ZNF837: variants seen among roughly 807,000 people sequenced by gnomAD.
The protein encoded by ZNF837 is zinc finger protein 837.
For missense variants in ZNF837, 955 were observed against 801.7 expected, an observed-to-expected ratio of 1.19 and a Z score of -2.31; for synonymous variants, 475 against 365.2, an observed-to-expected ratio of 1.30 and a Z score of -3.43.
chr19:58,369,110 C>CG lies in ZNF837; in HGVS notation c.222dup (p.Gly75ArgfsTer27). The stretch of plus-strand genomic sequence containing the variant: ...CCGGCGCTGTGCCGGGTCCCCGGGC[C>CG]GGGGCTCACCCCGAGGCTGCAGCCC... On this transcript the variant is annotated frameshift_variant, in exon 3 of 3. Transcript: ENST00000597582. LOFTEE classifies it low-confidence loss of function (END_TRUNC). 1 of 1,500,372 alleles carries CG rather than the reference C, an allele frequency of 6.7e-7. No individual in the cohort carries two copies. The highest frequency in any genetic ancestry group is 8.9e-7 in the Non-Finnish European group (1 of 1,125,608). The allele number at this position is 1,500,372 out of a possible 1,614,324, so 92.9% of individuals were successfully genotyped here. A position where few individuals can be genotyped will look rare whatever the true frequency, so the allele number is the denominator to read the frequency against.
chr19:58,371,686 T>C (rs924036002), intron 1 of ZNF837, among the ~76,000 whole-genome samples: 1 of 151,814 alleles, frequency 6.6e-6, no homozygotes, highest in Non-Finnish European at 1.5e-5. Flanking sequence ...GTGTTCCCTA[T>C]TCTGTGCAAG....
In ZNF837 at chr19:58,368,986, C is replaced by T; in HGVS notation, c.347G>A (p.Arg116Lys). ...GCAGTCCCCGCCACGCGCTGGGCTC[C>T]TACAGGGGCCCTCCCGGGCTTGCAG... ...EGLQAREGPC[R>K]SPARGGDCSR... The change falls in exon 3 of 3, where the codon AGG becomes AAG. Residue 116 changes from arginine to lysine, a missense_variant. By Grantham distance (26) the Arg-to-Lys change is conservative (BLOSUM62 2). Transcript: ENST00000597582. 6.6e-7 allele frequency: 1 copy of T among 1,525,656 alleles called. No homozygotes were observed. The highest frequency in any genetic ancestry group is 8.8e-7 in the Non-Finnish European group (1 of 1,133,054). 94.5% of individuals were successfully genotyped at this position (1,525,656 alleles called of 1,614,324 possible).
At chr19:58,375,255 CAAAAAAAA>C (rs10717720) in intron 1 of ZNF837, among the ~76,000 whole-genome samples, 1 of 55,552 alleles carries the variant, frequency 1.8e-5, no homozygotes, top group South Asian at 8.0e-4. Flanking sequence ...GAATCTGTCT[CAAAAAAAA>C]AAAAAAGTAT....
intron 1 of ZNF837, among the ~76,000 whole-genome samples, chr19:58,372,339 G>A (rs1408902424): frequency 1.3e-5 from 2 of 152,164 alleles, no homozygotes; most frequent in East Asian, 2.0e-4. Context: ...GATTATAGGC[G>A]TGAGTCACCG....
intron 1 of ZNF837, among the ~76,000 whole-genome samples, chr19:58,370,957 G>C (rs2052195813): frequency 6.6e-6 from 1 of 150,382 alleles, no homozygotes; most frequent in Non-Finnish European, 1.5e-5. Context: ...GCCGGGGGGG[G>C]GGAGCCGGGC....
Position 58,367,984 on chromosome 19 carries a change from G to C in ZNF837, c.1349C>G (p.Ser450Cys). Reference sequence around the variant, plus strand: ...GCCGCGGAAGGTCTTTCCGCACTCGGAGCAGCCATAGGGCCGCTCGCCGGT... The same window carrying C: ...GCCGCGGAAGGTCTTTCCGCACTCGCAGCAGCCATAGGGCCGCTCGCCGGT... Reference protein sequence around the residue: ...AHTGERPYGCSECGKTFRGCS... With the variant: ...AHTGERPYGCCECGKTFRGCS... The change falls in exon 3 of 3, where the codon TCC becomes TGC. Residue 450 changes from serine to cysteine, a missense_variant. Transcript: ENST00000597582. The C allele has an allele frequency of 1.3e-6, 2 of 1,532,058 alleles. No homozygotes were observed. The highest frequency in any genetic ancestry group is 1.7e-6 in the Non-Finnish European group (2 of 1,143,852). 94.9% of individuals were successfully genotyped at this position (1,532,058 alleles called of 1,614,324 possible). A position where few individuals can be genotyped will look rare whatever the true frequency, so the allele number is the denominator to read the frequency against.
rs1029908199 is a variant in ZNF837, at chr19:58,369,341, G to A, written c.-9C>T. ...TGGGCTGGAGCCTCCATCCTGGGGCGCAGAGTTCTGGTTGTAGGATCTGGA... is the reference window on the plus strand; with the variant it reads ...TGGGCTGGAGCCTCCATCCTGGGGCACAGAGTTCTGGTTGTAGGATCTGGA... On this transcript the variant is annotated 5_prime_UTR_variant, in exon 3 of 3. Coordinates refer to ENST00000597582, the MANE Select transcript of ZNF837 (RefSeq NM_138466.2). 32 of 1,353,654 alleles carry A rather than the reference G, an allele frequency of 2.4e-5. No homozygotes were observed. Among genetic ancestry groups the A allele is most frequent in the Admixed American group, 3.7e-5 (1 of 27,080 alleles). The allele number at this position is 1,353,654 out of a possible 1,614,324, so 83.9% of individuals were successfully genotyped here. A position where few individuals can be genotyped will look rare whatever the true frequency, so the allele number is the denominator to read the frequency against.
At chr19:58,370,668 G>C (rs1439706970) in intron 1 of ZNF837, among the ~76,000 whole-genome samples, 1 of 151,740 alleles carries the variant, frequency 6.6e-6, no homozygotes, top group Non-Finnish European at 1.5e-5. Flanking sequence ...GGCCGAGGCA[G>C]ATGGATCACC....
At chr19:58,380,512 G>C (rs1467150892) in intron 1 of ZNF837, among the ~76,000 whole-genome samples, 1 of 152,276 alleles carries the variant, frequency 6.6e-6, no homozygotes, top group East Asian at 1.9e-4. Flanking sequence ...TCGGGCCTCT[G>C]TGAAGAGGGG....
At chr19:58,377,100 C>G (rs183921773) in intron 1 of ZNF837, among the ~76,000 whole-genome samples, 2 of 151,044 alleles carry the variant, frequency 1.3e-5, no homozygotes, top group Admixed American at 1.3e-4. Context: ...ACCTGTAATC[C>G]CAGATACTCG....
intron 1 of ZNF837, among the ~76,000 whole-genome samples, chr19:58,373,073 C>T (rs1351226211): frequency 6.6e-6 from 1 of 152,200 alleles, no homozygotes; most frequent in African/African-American, 2.4e-5. Context: ...CTGCACAACC[C>T]TCCTGTCCCC....
intron 1 of ZNF837, among the ~76,000 whole-genome samples, chr19:58,374,318 G>A (rs143803368): frequency 2.0e-3 from 297 of 152,282 alleles, no homozygotes; most frequent in African/African-American, 6.7e-3. Context: ...GCATAAATAA[G>A]ATGTGGTATA....
At position 58,369,363 on chromosome 19, in the gene ZNF837, T is replaced by C; in HGVS notation, c.-29-2A>G. On this transcript the variant is annotated splice_acceptor_variant, in intron 2 of 2. Coordinates refer to ENST00000597582, the MANE Select transcript of ZNF837 (RefSeq NM_138466.2). LOFTEE classifies it low-confidence loss of function (5UTR_SPLICE). ...GGCGCAGAGTTCTGGTTGTAGGATC[T>C]GGAAGAGCAGAGAAGAAATGGAGGT... is the stretch of plus-strand genomic sequence containing the variant. 4 of 1,332,282 alleles carry C rather than the reference T, an allele frequency of 3.0e-6. No individual in the cohort carries two copies. Among genetic ancestry groups the C allele is most frequent in the Non-Finnish European group, 3.8e-6 (4 of 1,045,602 alleles). 82.5% of individuals were successfully genotyped at this position (1,332,282 alleles called of 1,614,324 possible). A position where few individuals can be genotyped will look rare whatever the true frequency, so the allele number is the denominator to read the frequency against.
intron 1 of ZNF837, among the ~76,000 whole-genome samples, chr19:58,370,952 G>C (rs1177512912): frequency 4.1e-5 from 6 of 147,510 alleles, no homozygotes; most frequent in South Asian, 2.2e-4. Context: ...TGAAGGCCGG[G>C]GGGGGGGAGC....
At chr19:58,370,919 AGAGAG>A (rs1462214614) in intron 1 of ZNF837, among the ~76,000 whole-genome samples, 13 of 117,070 alleles carry the variant, frequency 1.1e-4, no homozygotes, top group Admixed American at 2.8e-4. Context: ...AAAAAAGAAA[AGAGAG>A]AGAGAGGGAG....
At chr19:58,378,681 G>A (rs958153704) in intron 1 of ZNF837, among the ~76,000 whole-genome samples, 17 of 152,166 alleles carry the variant, frequency 1.1e-4, no homozygotes, top group East Asian at 3.9e-4. Flanking sequence ...TCCTAACCCC[G>A]GAACTCTCAG....
At chr19:58,380,021 CAAA>C (rs869285738) in intron 1 of ZNF837, among the ~76,000 whole-genome samples, 4 of 115,136 alleles carry the variant, frequency 3.5e-5, no homozygotes, top group Non-Finnish European at 8.2e-5. Flanking sequence ...ACAACAACAA[CAAA>C]AACAGAATGT....
rs1599922966 is a variant in ZNF837 at position 58,369,277 on chromosome 19, T to C, written c.56A>G (p.Gln19Arg). 1.4e-6 allele frequency: 2 copies of C among 1,407,578 alleles called. No individual in the cohort carries two copies. Among genetic ancestry groups the C allele is most frequent in the East Asian group, 5.6e-5 (2 of 35,520 alleles). 87.2% of individuals were successfully genotyped at this position (1,407,578 alleles called of 1,614,324 possible). The change falls in exon 3 of 3, where the codon CAG becomes CGG. Residue 19 changes from glutamine (Q) to arginine (R), a missense_variant. Gln to Arg is a conservative substitution (Grantham distance 43). Coordinates refer to ENST00000597582, the MANE Select transcript of ZNF837 (RefSeq NM_138466.2). ...GQGGLPKADA[Q>R]GASGAREKRP... ...CTTCTCCCGGGCCCCGGAGGCACCC[T>C]GGGCATCGGCCTTGGGGAGTCCTCC...
At chr19:58,379,760 C>A (rs2052275349) in intron 1 of ZNF837, among the ~76,000 whole-genome samples, 1 of 152,196 alleles carries the variant, frequency 6.6e-6, no homozygotes, top group Non-Finnish European at 1.5e-5. Flanking sequence ...ACAGCACACA[C>A]AGGAAAGCTA....
Sources: allele counts gnomAD v4.1 joint callset (sites outside exome capture counted in the v4.1 genomes callset), GRCh38; gene constraint gnomAD v4.1.1; transcripts MANE v1.5; gene names NCBI Gene and HGNC (gene_info 2026-07-23, HGNC 2026-07-21).